The following CFDP1 variants were observed in gnomAD, a reference collection of about 807,000 sequenced individuals.
The protein encoded by CFDP1 is chromatin remodeling protein CFDP1, also known as heterochromatin-stabilizing protein CFDP1.
CFDP1 carries 31 observed loss-of-function variants against 40.1 expected under a neutral mutation model. That is an observed-to-expected ratio of 0.77 (90% confidence interval 0.58 to 1.04). The LOEUF (loss-of-function observed/expected upper bound fraction) is 1.04, where lower values mean the gene tolerates loss of function less well. Ranked by LOEUF, CFDP1 falls within the 50% of genes least tolerant of loss-of-function variation. The pLI, the probability that CFDP1 is intolerant of heterozygous loss-of-function variation, is 0.00. For missense variants in CFDP1, 423 were observed against 343.4 expected, an observed-to-expected ratio of 1.23 and a Z score of -1.83; for synonymous variants, 167 against 120.0, an observed-to-expected ratio of 1.39 and a Z score of -2.56.
intron 1 of CFDP1, among the ~76,000 whole-genome samples, chr16:75,428,673 AAAAG>A (rs1028203179): frequency 6.6e-6 from 1 of 152,004 alleles, no homozygotes; most frequent in Admixed American, 6.6e-5. Flanking sequence ...AGAAAGAAAA[AAAAG>A]AAAGGAAGGA....
chr16:75,354,879 G>C (rs552196558), intron 5 of CFDP1, among the ~76,000 whole-genome samples: 1 of 152,272 alleles, frequency 6.6e-6, no homozygotes, highest in African/African-American at 2.4e-5. Flanking sequence ...CCAAATATAA[G>C]ATGTTAACAT....
At chr16:75,301,359 C>T (rs2078220150) in intron 6 of CFDP1, among the ~76,000 whole-genome samples, 1 of 151,960 alleles carries the variant, frequency 6.6e-6, no homozygotes, top group Non-Finnish European at 1.5e-5. Flanking sequence ...AAAACAAGTG[C>T]TCGCATGGCT....
intron 5 of CFDP1, among the ~76,000 whole-genome samples, chr16:75,314,128 T>C (rs1324536032): frequency 2.0e-5 from 3 of 151,930 alleles, no homozygotes; most frequent in Non-Finnish European, 4.4e-5. Flanking sequence ...CAGGTGATCC[T>C]CCCGCCTCAG....
At chr16:75,298,293 C>T (rs1397155619) in intron 6 of CFDP1, among the ~76,000 whole-genome samples, 3 of 152,190 alleles carry the variant, frequency 2.0e-5, no homozygotes, top group Non-Finnish European at 4.4e-5. Context: ...TCTGGGAACC[C>T]ACCCTGCAGG....
At chr16:75,431,658 AAT>A (rs1330622879) in intron 1 of CFDP1, among the ~76,000 whole-genome samples, 2 of 151,928 alleles carry the variant, frequency 1.3e-5, no homozygotes, top group African/African-American at 4.8e-5. Context: ...AAAAACACTG[AAT>A]ACTGATCTAA....
intron 5 of CFDP1, among the ~76,000 whole-genome samples, chr16:75,339,808 C>A (rs995641307): frequency 6.6e-6 from 1 of 152,144 alleles, no homozygotes; most frequent in Non-Finnish European, 1.5e-5. Flanking sequence ...TTAACAGGAG[C>A]CCTTCAGCAC....
chr16:75,422,672 G>A (rs1423144530), intron 1 of CFDP1, among the ~76,000 whole-genome samples: 2 of 151,942 alleles, frequency 1.3e-5, no homozygotes, highest in Non-Finnish European at 1.5e-5. Context: ...TGGGATTACA[G>A]GTCAGAGCCA....
chr16:75,395,179 T>C lies in CFDP1; in HGVS notation c.561A>G (p.Lys187=), dbSNP rs764314840. The C allele has an allele frequency of 1.1e-5, 17 of 1,613,658 alleles. No homozygotes were observed. The Admixed American group carries it at 1.3e-4, about 13-fold the overall frequency. ...RVTKEVDATS[K]EAKSFFKQNE... is the part of the protein sequence containing the mutation. ...TCTGCTTGAAGAAGGATTTGGCCTCTTTAGATGTAGCATCCACTTCCTTAG... is the reference window on the plus strand; with the variant it reads ...TCTGCTTGAAGAAGGATTTGGCCTCCTTAGATGTAGCATCCACTTCCTTAG... The change falls in exon 5 of 7, where the codon AAA becomes AAG. Residue 187 remains lysine, a synonymous_variant. Coordinates refer to ENST00000283882, the MANE Select transcript of CFDP1 (RefSeq NM_006324.3).
At chr16:75,314,150 G>A (rs1162690284) in intron 5 of CFDP1, among the ~76,000 whole-genome samples, 1 of 152,144 alleles carries the variant, frequency 6.6e-6, no homozygotes, top group Non-Finnish European at 1.5e-5. Flanking sequence ...CTCCCAAAGT[G>A]CAGAGATTAC....
intron 5 of CFDP1, among the ~76,000 whole-genome samples, chr16:75,355,012 G>A (rs577456612): frequency 1.3e-5 from 2 of 152,320 alleles, no homozygotes; most frequent in East Asian, 3.9e-4. Context: ...GTTTCCTAGT[G>A]TATATGTAAG....
chr16:75,334,877 C>T (rs1274984770), intron 5 of CFDP1, among the ~76,000 whole-genome samples: 2 of 152,018 alleles, frequency 1.3e-5, no homozygotes, highest in African/African-American at 2.4e-5. Context: ...ATCGTTTGAA[C>T]CCCGGAGGTG....
intron 5 of CFDP1, among the ~76,000 whole-genome samples, chr16:75,329,080 C>A (rs1417412225): frequency 6.6e-6 from 1 of 151,994 alleles, no homozygotes; most frequent in East Asian, 1.9e-4. Flanking sequence ...AACTCCTGAC[C>A]TCAGGTGATC....
At chr16:75,420,320 C>T (rs575138726) in intron 1 of CFDP1, among the ~76,000 whole-genome samples, 1 of 152,236 alleles carries the variant, frequency 6.6e-6, no homozygotes, top group African/African-American at 2.4e-5. Flanking sequence ...ATTCAAACAT[C>T]AGATGTCCAT....
intron 4 of CFDP1, among the ~76,000 whole-genome samples, chr16:75,400,556 C>A (rs1325999172): frequency 6.6e-6 from 1 of 152,144 alleles, no homozygotes; most frequent in Non-Finnish European, 1.5e-5. Context: ...CACCTCATAC[C>A]ACAGGCTACT....
intron 5 of CFDP1, among the ~76,000 whole-genome samples, chr16:75,328,438 A>G (rs1188994128): frequency 2.7e-5 from 4 of 149,018 alleles, no homozygotes; most frequent in Non-Finnish European, 6.0e-5. Flanking sequence ...TACAAAAAAA[A>G]AAGAAAAAAA....
At chr16:75,351,941 G>C (rs530895342) in intron 5 of CFDP1, among the ~76,000 whole-genome samples, 1 of 146,454 alleles carries the variant, frequency 6.8e-6, no homozygotes, top group African/African-American at 2.6e-5. Flanking sequence ...CCGGGAGGTA[G>C]AGGTTGCAGT....
rs548765490 is a variant in CFDP1, at chr16:75,374,719, T to C, written c.650+20371A>G. Among the ~76,000 whole-genome samples, 349 of 152,290 alleles carry C rather than the reference T, an allele frequency of 2.3e-3. 2 individuals are homozygous for C. Among genetic ancestry groups the C allele is most frequent in the African/African-American group, 7.9e-3 (328 of 41,572 alleles). ...AGTTTAAAAACATATTTTAGCCCTA[T>C]TAAATATAAAAAGAAACAACTGAAA... On this transcript the variant is annotated intron_variant, in intron 5 of 6. Coordinates refer to ENST00000283882, the MANE Select transcript of CFDP1 (RefSeq NM_006324.3).
At chr16:75,383,450 A>C (rs894855943) in intron 5 of CFDP1, among the ~76,000 whole-genome samples, 1 of 152,204 alleles carries the variant, frequency 6.6e-6, no homozygotes, top group Non-Finnish European at 1.5e-5. Flanking sequence ...CCTGATGTTA[A>C]AACATTTTGA....
At chr16:75,305,676 G>A (rs1172575620) in intron 5 of CFDP1, among the ~76,000 whole-genome samples, 1 of 152,204 alleles carries the variant, frequency 6.6e-6, no homozygotes, top group Non-Finnish European at 1.5e-5. Context: ...GGTGCAATAA[G>A]CATGAGCCAC....
Sources: gnomAD v4.1 joint callset for allele counts (sites outside exome capture counted in the v4.1 genomes callset) on GRCh38, gnomAD v4.1.1 for gene constraint, MANE v1.5 for transcripts, NCBI Gene and HGNC (gene_info 2026-07-23, HGNC 2026-07-21) for gene names.